The following ASPRV1 variants were observed in gnomAD, a reference collection of about 807,000 sequenced individuals.
ASPRV1 encodes retroviral-like aspartic protease 1.
A neutral mutation model predicts 11.0 loss-of-function variants in ASPRV1; 7 were observed. The ratio of observed to expected loss-of-function variants is 0.64; its 90% CI spans 0.36 to 1.20. The LOEUF is 1.20. ASPRV1 is among the 50% of genes most tolerant of loss of function. The probability of loss-of-function intolerance (pLI) is 0.02; values close to 1 mark genes in which losing one functional copy is unlikely to be tolerated. For synonymous variants in ASPRV1, 136 were observed against 138.4 expected, an observed-to-expected ratio of 0.98 and a Z score of 0.12; for missense variants, 299 against 320.0, an observed-to-expected ratio of 0.93 and a Z score of 0.50.
At chr2:69,963,853 G>T (rs1678233757), upstream of ASPRV1, among the ~76,000 whole-genome samples, 1 of 152,176 alleles carries the variant, frequency 6.6e-6, no homozygotes, top group Non-Finnish European at 1.5e-5. Flanking sequence ...AGGGGATTTT[G>T]CAAGGACAGG....
the ASPRV1 span, among the ~76,000 whole-genome samples, chr2:70,073,538 G>C: frequency 6.6e-6 from 1 of 152,012 alleles, no homozygotes; most frequent in Non-Finnish European, 1.5e-5. Flanking sequence ...GATACTTAAC[G>C]ATACTTTGTT....
the ASPRV1 span, among the ~76,000 whole-genome samples, chr2:69,983,998 T>G: frequency 6.6e-6 from 1 of 152,206 alleles, no homozygotes; most frequent in South Asian, 2.1e-4. Flanking sequence ...CCTGAGGTCT[T>G]GGGATTCAAC....
the ASPRV1 span, among the ~76,000 whole-genome samples, chr2:70,023,279 A>T: frequency 6.6e-6 from 1 of 152,334 alleles, no homozygotes; most frequent in East Asian, 1.9e-4. Context: ...CTGATGTGAT[A>T]CAACAGCCAA....
At chr2:69,948,195 T>C in the ASPRV1 span, among the ~76,000 whole-genome samples, 87,482 of 151,818 alleles carry the variant, frequency 0.58, 27,730 homozygotes, top group African/African-American at 0.83. Context: ...CTGCAGTGAG[T>C]CACGATTGCA....
At chr2:69,956,060 C>T (rs1245497691), downstream of ASPRV1, among the ~76,000 whole-genome samples, 1 of 152,156 alleles carries the variant, frequency 6.6e-6, no homozygotes, top group African/African-American at 2.4e-5. Context: ...GAGCCTGGAA[C>T]ATCTTGTGCC....
chr2:70,051,378 T>G, the ASPRV1 span: 1 of 152,218 alleles, frequency 6.6e-6, no homozygotes, highest in South Asian at 2.1e-4. Flanking sequence ...CAATCTCATG[T>G]GCTAATAGAA....
chr2:69,962,013 C>G (rs1040036115), upstream of ASPRV1: 3 of 295,970 alleles, frequency 1.0e-5, no homozygotes, highest in Non-Finnish European at 2.0e-5. Context: ...CAACAAGTGA[C>G]TACTTTGAGT....
At chr2:70,034,681 C>T in the ASPRV1 span, among the ~76,000 whole-genome samples, 1 of 152,156 alleles carries the variant, frequency 6.6e-6, no homozygotes, top group African/African-American at 2.4e-5. Context: ...CCCACAGACA[C>T]CTCCAATATA....
the ASPRV1 span, chr2:69,976,108 G>T: frequency 6.6e-6 from 1 of 152,376 alleles, no homozygotes; most frequent in Non-Finnish European, 1.5e-5. Flanking sequence ...AGTTAGACAT[G>T]TGACCCAACC....
the ASPRV1 span, among the ~76,000 whole-genome samples, chr2:70,004,081 CG>C: frequency 6.6e-6 from 1 of 152,090 alleles, no homozygotes. Flanking sequence ...CACTGGCTTA[CG>C]GGAGAGCCAT....
chr2:70,011,123 G>A, the ASPRV1 span, among the ~76,000 whole-genome samples: 1 of 151,990 alleles, frequency 6.6e-6, no homozygotes, highest in Admixed American at 6.6e-5. Context: ...AGGGTGGGGG[G>A]TGTGGGAAAA....
chr2:69,994,415 G>A, the ASPRV1 span, among the ~76,000 whole-genome samples: 3 of 152,172 alleles, frequency 2.0e-5, no homozygotes, highest in African/African-American at 7.2e-5. Context: ...CATGACCAAC[G>A]GAGCAGTGAG....
chr2:69,979,430 G>C, the ASPRV1 span, among the ~76,000 whole-genome samples: 1 of 152,176 alleles, frequency 6.6e-6, no homozygotes, highest in Non-Finnish European at 1.5e-5. Context: ...AGTCTCTGAG[G>C]GAAGAGTCTT....
chr2:69,948,932 TG>T, the ASPRV1 span, among the ~76,000 whole-genome samples: 1 of 151,984 alleles, frequency 6.6e-6, no homozygotes, highest in Non-Finnish European at 1.5e-5. Context: ...GGCCCCCACT[TG>T]GGGAGCCTGC....
At chr2:70,039,262 G>C in the ASPRV1 span, among the ~76,000 whole-genome samples, 1 of 152,090 alleles carries the variant, frequency 6.6e-6, no homozygotes, top group Non-Finnish European at 1.5e-5. Flanking sequence ...AGTCTGCAAC[G>C]CATATAAAGG....
the ASPRV1 span, among the ~76,000 whole-genome samples, chr2:69,991,973 G>T: frequency 6.6e-6 from 1 of 152,204 alleles, no homozygotes; most frequent in Non-Finnish European, 1.5e-5. Flanking sequence ...CTGCTTTGGG[G>T]GCTCTGGCCA....
At chr2:69,963,534 C>A (rs902748235), upstream of ASPRV1, 3 of 437,374 alleles carry the variant, frequency 6.9e-6, no homozygotes, top group East Asian at 7.2e-5. Flanking sequence ...GGTTAGCATG[C>A]GACCAAGGGA....
the ASPRV1 span, among the ~76,000 whole-genome samples, chr2:69,953,175 A>G: frequency 3.8e-3 from 580 of 152,342 alleles, 3 homozygotes; most frequent in African/African-American, 0.013. Flanking sequence ...TTTCTTCCCC[A>G]TCTTCTGTAC....
chr2:70,065,819 C>CAAAAAAAAAAAA, the ASPRV1 span, among the ~76,000 whole-genome samples: 13 of 67,446 alleles, frequency 1.9e-4, no homozygotes, highest in Non-Finnish European at 2.4e-4. Flanking sequence ...GCTTTTGACT[C>CAAAAAAAAAAAA]AAAAAAAAAA....
Sources: allele counts gnomAD v4.1 joint callset (sites outside exome capture counted in the v4.1 genomes callset), GRCh38; gene constraint gnomAD v4.1.1; transcripts MANE v1.5; gene names NCBI Gene and HGNC (gene_info 2026-07-23, HGNC 2026-07-21).